The following FANCD2OS variants were observed in gnomAD, a reference collection of about 807,000 sequenced individuals.
The protein encoded by FANCD2OS is FANCD2 opposite strand protein.
A neutral mutation model predicts 13.2 loss-of-function variants in FANCD2OS; 11 were observed. The observed-to-expected ratio is 0.83, with a 90% CI of 0.52 to 1.38. The LOEUF (loss-of-function observed/expected upper bound fraction) is 1.38, where lower values mean the gene tolerates loss of function less well. Ranked by LOEUF, FANCD2OS falls within the 40% of genes most tolerant of loss-of-function variation. The pLI, the probability that FANCD2OS is intolerant of heterozygous loss-of-function variation, is 0.00. For missense variants in FANCD2OS, 217 were observed against 213.9 expected (o/e 1.01, Z -0.09); for synonymous variants, 69 against 84.5 (o/e 0.82, Z 1.01).
rs777639581 is a variant in FANCD2OS, at chr3:10,085,783, G to T, written c.*44-4252C>A. On this transcript the variant is annotated intron_variant, in intron 2 of 2. Coordinates refer to the FANCD2OS transcript ENST00000524279. ...ATCCAAGTAGTTTTCCAGAAACTAA[G>T]CTAACCCCTCTTACCTTGACTTCCT... 4.1e-6 allele frequency: 6 copies of T among 1,447,712 alleles called. No homozygotes were observed. The South Asian group carries it at 6.8e-5, about 17-fold the overall frequency. The allele number at this position is 1,447,712 out of a possible 1,614,324, so 89.7% of individuals were successfully genotyped here.
At chr3:10,103,294 A>C (rs973800659), downstream of FANCD2OS, among the ~76,000 whole-genome samples, 14 of 151,880 alleles carry the variant, frequency 9.2e-5, no homozygotes, top group African/African-American at 3.4e-4. Context: ...CCCAGCTACT[A>C]GGGAGGCTGA....
At chr3:10,094,500 C>A in intron 2 of FANCD2OS, 1 of 789,194 alleles carries the variant, frequency 1.3e-6, no homozygotes, top group Non-Finnish European at 2.2e-6. Flanking sequence ...CAGAGATCCC[C>A]AAATTGGACT....
At chr3:10,084,270 G>C (rs1349707860) in intron 2 of FANCD2OS, among the ~76,000 whole-genome samples, 1 of 150,376 alleles carries the variant, frequency 6.6e-6, no homozygotes, top group Admixed American at 6.6e-5. Context: ...GGGATTACAG[G>C]TGTGAGCCAC....
chr3:10,098,996 A>T, downstream of FANCD2OS: 1 of 1,613,836 alleles, frequency 6.2e-7, no homozygotes, highest in Non-Finnish European at 8.5e-7. Flanking sequence ...AGAAACAACG[A>T]CACAATCTTA....
chr3:10,086,678 CAT>C (rs1314513493), intron 2 of FANCD2OS, among the ~76,000 whole-genome samples: 3 of 152,084 alleles, frequency 2.0e-5, no homozygotes, highest in South Asian at 4.1e-4. Context: ...ATGTTTTCGA[CAT>C]GTGGCCAGGC....
intron 2 of FANCD2OS, chr3:10,090,478 CAG>C (rs1694530443): frequency 8.6e-6 from 6 of 696,514 alleles, no homozygotes; most frequent in Admixed American, 5.8e-5. Context: ...TTTTCTGAGA[CAG>C]AGTCTTGCTT....
At chr3:10,106,919 C>T (rs1331157884) in intron 1 of FANCD2OS, among the ~76,000 whole-genome samples, 1 of 151,966 alleles carries the variant, frequency 6.6e-6, no homozygotes, top group Non-Finnish European at 1.5e-5. Flanking sequence ...AAGAAAAAAA[C>T]GTTGGTGACA....
At chr3:10,084,574 A>G (rs1423170380) in intron 2 of FANCD2OS, among the ~76,000 whole-genome samples, 1 of 152,210 alleles carries the variant, frequency 6.6e-6, no homozygotes, top group Non-Finnish European at 1.5e-5. Flanking sequence ...TGCTGGCATT[A>G]GAGGCGTGAG....
chr3:10,091,561 C>G (rs577546023), intron 2 of FANCD2OS, among the ~76,000 whole-genome samples: 5 of 152,050 alleles, frequency 3.3e-5, no homozygotes, highest in African/African-American at 1.2e-4. Context: ...TAGCTCCGTT[C>G]TGGTTAGCAG....
intron 2 of FANCD2OS, chr3:10,093,412 C>G (rs1694768355): frequency 1.8e-6 from 2 of 1,138,972 alleles, no homozygotes; most frequent in South Asian, 1.2e-5. Context: ...TGCTCAATTT[C>G]TTGCCCACAA....
chr3:10,106,215 T>C (rs1695492038), intron 1 of FANCD2OS, among the ~76,000 whole-genome samples: 1 of 152,082 alleles, frequency 6.6e-6, no homozygotes, highest in Non-Finnish European at 1.5e-5. Context: ...GTGGGTGTGG[T>C]TTTAAATTTG....
At position 10,105,769 on chromosome 3, in the gene FANCD2OS, A is replaced by T. The variant is rs1481726606; in HGVS notation, c.-8-987T>A. ...CCATCTAAAAAAAAAAAAAAAAAAA[A>T]AATTATATATATATATATATATATA... On this transcript the variant is annotated intron_variant, in intron 1 of 1. Coordinates refer to ENST00000450660, the MANE Select transcript of FANCD2OS (RefSeq NM_001164839.2). 5.2e-3 allele frequency among the ~76,000 whole-genome samples: 244 copies of T among 47,180 alleles called. 11 individuals carry two copies. In the African/African-American group the frequency reaches 0.066, roughly 13 times the overall value. 31.0% of individuals were successfully genotyped at this position (47,180 alleles called of 152,430 possible).
chr3:10,103,010 A>G (rs1231367638), downstream of FANCD2OS: 1 of 417,122 alleles, frequency 2.4e-6, no homozygotes, highest in Non-Finnish European at 4.7e-6. Flanking sequence ...TAATCCCAAC[A>G]CTTTGGGAGG....
At chr3:10,088,424 A>G (rs758739775) in intron 2 of FANCD2OS, 1 of 1,431,542 alleles carries the variant, frequency 7.0e-7, no homozygotes, top group Admixed American at 1.7e-5. Context: ...CATATGTAAG[A>G]TTCCTTTGTC....
intron 2 of FANCD2OS, among the ~76,000 whole-genome samples, chr3:10,084,208 G>A (rs533521006): frequency 6.7e-6 from 1 of 150,348 alleles, no homozygotes; most frequent in African/African-American, 2.5e-5. Flanking sequence ...TGGCCAGGCT[G>A]GTCTTGAACT....
chr3:10,093,129 C>T (rs2125088312), intron 2 of FANCD2OS, among the ~76,000 whole-genome samples: 1 of 152,294 alleles, frequency 6.6e-6, no homozygotes, highest in East Asian at 1.9e-4. Flanking sequence ...GTGATAATTA[C>T]TTTATTCTGC....
intron 2 of FANCD2OS, chr3:10,090,253 C>T (rs1385808349): frequency 1.4e-6 from 2 of 1,437,014 alleles, no homozygotes; most frequent in East Asian, 2.3e-5. Flanking sequence ...CTAAGCAGTG[C>T]ATCATGGTGT....
rs192843638 is a variant in FANCD2OS, at chr3:10,085,839, G to A, written c.*44-4308C>T. On this transcript the variant is annotated intron_variant, in intron 2 of 2. Transcript: ENST00000524279. The stretch of plus-strand genomic sequence containing the variant: ...GTGGATTTTCTCAACCTGAAAATCA[G>A]AATTTACTGTATTCAGCCCTCCATG... 1.2e-6 allele frequency: 2 copies of A among 1,613,566 alleles called. No homozygotes were observed. The highest frequency in any genetic ancestry group is 2.7e-5 in the African/African-American group (2 of 75,006).
Position 10,088,472 on chromosome 3 carries a change from T to G in FANCD2OS, c.*44-6941A>C. 1 of 1,611,040 alleles carries G rather than the reference T, an allele frequency of 6.2e-7. No individual in the cohort carries two copies. The highest frequency in any genetic ancestry group is 8.5e-7 in the Non-Finnish European group (1 of 1,177,160). On this transcript the variant is annotated intron_variant, in intron 2 of 2. Coordinates refer to the FANCD2OS transcript ENST00000524279. ...AGCTTCCCTTGCCAGACAATTCCTC[T>G]GTCGGGTGTGGCCAAGTGGGGATAA...
Sources: allele counts gnomAD v4.1 joint callset (sites outside exome capture counted in the v4.1 genomes callset), GRCh38; gene constraint gnomAD v4.1.1; transcripts MANE v1.5; gene names NCBI Gene and HGNC (gene_info 2026-07-23, HGNC 2026-07-21).